SEL1L2: variants seen among roughly 807,000 people sequenced by gnomAD.
The protein encoded by SEL1L2 is protein sel-1 homolog 2.
Under a neutral mutation model 98.8 loss-of-function variants are expected in SEL1L2, and 89 were observed. The ratio of observed to expected loss-of-function variants is 0.90; its 90% CI spans 0.76 to 1.07. The LOEUF (loss-of-function observed/expected upper bound fraction) is 1.07. SEL1L2 is among the 50% of genes least tolerant of loss of function. The probability of loss-of-function intolerance (pLI) is 0.00; values close to 1 mark genes in which losing one functional copy is unlikely to be tolerated. For missense variants in SEL1L2, 788 were observed against 812.0 expected (o/e 0.97, Z 0.36); for synonymous variants, 262 against 278.5 (o/e 0.94, Z 0.59).
intron 1 of SEL1L2, among the ~76,000 whole-genome samples, chr20:13,983,833 TA>T: frequency 6.6e-6 from 1 of 151,798 alleles, no homozygotes; most frequent in African/African-American, 2.4e-5. Context: ...CACTAGCTTT[TA>T]AAAAATAACT....
intron 11 of SEL1L2, 83 bp downstream of exon 11, chr20:13,877,437 A>G: frequency 2.8e-6 from 3 of 1,086,728 alleles, no homozygotes; most frequent in Non-Finnish European, 4.1e-6. Context: ...AGTAGCTGGG[A>G]CAACAGGCAC....
At chr20:13,920,287 A>G (rs2148238494) in intron 3 of SEL1L2, among the ~76,000 whole-genome samples, 1 of 151,928 alleles carries the variant, frequency 6.6e-6, no homozygotes, top group South Asian at 2.1e-4. Flanking sequence ...GACCCTTTCT[A>G]AGACTTAGGG....
rs762086201 is a variant in SEL1L2 at position 13,931,786 on chromosome 20, A to G, written c.115-15T>C. On this transcript the variant is annotated splice_polypyrimidine_tract_variant and intron_variant, in intron 2 of 19. Coordinates refer to ENST00000284951, the MANE Select transcript of SEL1L2 (RefSeq NM_025229.2). ...TTCACTGATACCTACAAAGAAAAAG[A>G]CTGTTGCTCATTTTGTTCATGTGTG... 1 of 1,489,426 alleles carries G rather than the reference A, an allele frequency of 6.7e-7. No individual in the cohort carries two copies. Among genetic ancestry groups the G allele is most frequent in the Non-Finnish European group, 8.9e-7 (1 of 1,122,076 alleles). The allele number at this position is 1,489,426 out of a possible 1,614,324, so 92.3% of individuals were successfully genotyped here.
At chr20:13,905,830 G>T (rs2047901801) in intron 5 of SEL1L2, among the ~76,000 whole-genome samples, 1 of 150,782 alleles carries the variant, frequency 6.6e-6, no homozygotes, top group Non-Finnish European at 1.5e-5. Flanking sequence ...TAAAGGTCAA[G>T]CTCAGCAAAT....
intron 2 of SEL1L2, among the ~76,000 whole-genome samples, chr20:13,939,750 T>C (rs2148365208): frequency 6.8e-6 from 1 of 147,986 alleles, no homozygotes; most frequent in African/African-American, 2.5e-5. Flanking sequence ...CACTGTAACC[T>C]CCACCTCCCA....
At chr20:13,967,894 C>T (rs762190668) in intron 1 of SEL1L2, among the ~76,000 whole-genome samples, 5 of 152,172 alleles carry the variant, frequency 3.3e-5, no homozygotes, top group Non-Finnish European at 7.3e-5. Flanking sequence ...CCTCTCTTAA[C>T]AGAAATGATT....
chr20:13,859,694 GTTGTTTGT>G (rs773828561), intron 17 of SEL1L2, among the ~76,000 whole-genome samples: 1 of 152,068 alleles, frequency 6.6e-6, no homozygotes, highest in Non-Finnish European at 1.5e-5. Flanking sequence ...TGTTGTTGTT[GTTGTTTGT>G]TTGTTTGTTT....
chr20:13,978,852 A>G (rs1310256620), intron 1 of SEL1L2, among the ~76,000 whole-genome samples: 3 of 152,288 alleles, frequency 2.0e-5, no homozygotes, highest in Non-Finnish European at 4.4e-5. Flanking sequence ...TGAGGTCCGG[A>G]GTTTGAGACC....
At chr20:13,863,839 G>A (rs576593546) in intron 17 of SEL1L2, among the ~76,000 whole-genome samples, 49 of 151,916 alleles carry the variant, frequency 3.2e-4, no homozygotes, top group Non-Finnish European at 5.4e-4. Flanking sequence ...GTGTGGTGGC[G>A]CATGCCTGTA....
At chr20:13,942,795 A>T (rs1343012028) in intron 2 of SEL1L2, among the ~76,000 whole-genome samples, 2 of 152,162 alleles carry the variant, frequency 1.3e-5, no homozygotes, top group African/African-American at 4.8e-5. Flanking sequence ...TTTGAAAAAA[A>T]TGGGGGCTGG....
intron 18 of SEL1L2, among the ~76,000 whole-genome samples, chr20:13,853,057 C>A (rs1029253663): frequency 1.3e-5 from 2 of 152,298 alleles, no homozygotes; most frequent in African/African-American, 4.8e-5. Flanking sequence ...TATACACATT[C>A]TTCTAGCATT....
intron 14 of SEL1L2, among the ~76,000 whole-genome samples, chr20:13,868,445 C>T (rs1426951625): frequency 6.6e-6 from 1 of 152,070 alleles, no homozygotes; most frequent in Non-Finnish European, 1.5e-5. Flanking sequence ...CCTTCTCTTT[C>T]CTTCCCTTTA....
intron 1 of SEL1L2, among the ~76,000 whole-genome samples, chr20:13,980,938 A>T (rs960582697): frequency 6.6e-6 from 1 of 152,202 alleles, no homozygotes; most frequent in Non-Finnish European, 1.5e-5. Context: ...AAAGAGTTGA[A>T]ACTCATAAAA....
chr20:13,872,502 C>T (rs2046249722), intron 12 of SEL1L2, among the ~76,000 whole-genome samples: 1 of 152,146 alleles, frequency 6.6e-6, no homozygotes, highest in African/African-American at 2.4e-5. Flanking sequence ...TTTCTGAGGC[C>T]TCCCCAGCAA....
chr20:13,979,391 C>T (rs976960313), intron 1 of SEL1L2, among the ~76,000 whole-genome samples: 3 of 152,008 alleles, frequency 2.0e-5, no homozygotes, highest in Non-Finnish European at 4.4e-5. Flanking sequence ...TTCGGAAAAG[C>T]TAGAAGAGAA....
At chr20:13,854,612 G>T (rs1318758820) in intron 18 of SEL1L2, among the ~76,000 whole-genome samples, 1 of 152,138 alleles carries the variant, frequency 6.6e-6, no homozygotes, top group Non-Finnish European at 1.5e-5. Flanking sequence ...GCTCTTTGAA[G>T]GCTGTCTTGT....
chr20:13,886,392 G>T lies in SEL1L2; in HGVS notation c.796C>A (p.Leu266Ile), dbSNP rs375667837. 6.2e-7 allele frequency: 1 copy of T among 1,613,834 alleles called. No homozygotes were observed. Among genetic ancestry groups the T allele is most frequent in the Non-Finnish European group, 8.5e-7 (1 of 1,179,850 alleles). ...SEGVPVEKVRLTERPENLSSN... is the reference protein window; with the variant it reads ...SEGVPVEKVRITERPENLSSN... ...CTCAGATTTTCAGGTCTTTCCGTTA[G>T]TCTCACTTTTTCCACTGGAACACCT... Residue 266 changes from leucine to isoleucine, a missense_variant, in exon 9 of 20, where the codon CTA (leucine) becomes ATA (isoleucine). Leu to Ile is a conservative substitution (Grantham distance 5, BLOSUM62 2). Transcript: ENST00000284951.
intron 5 of SEL1L2, among the ~76,000 whole-genome samples, chr20:13,900,631 T>C (rs1600673701): frequency 6.6e-6 from 1 of 152,312 alleles, no homozygotes; most frequent in East Asian, 1.9e-4. Context: ...AGGCGACATA[T>C]GTAGAAACAT....
intron 5 of SEL1L2, among the ~76,000 whole-genome samples, chr20:13,892,788 T>C (rs2047261216): frequency 6.6e-6 from 1 of 152,148 alleles, no homozygotes; most frequent in Non-Finnish European, 1.5e-5. Flanking sequence ...CTATAGGAGA[T>C]TCACATTAGT....
Sources: allele counts gnomAD v4.1 joint callset (sites outside exome capture counted in the v4.1 genomes callset), GRCh38; gene constraint gnomAD v4.1.1; transcripts MANE v1.5; gene names NCBI Gene and HGNC (gene_info 2026-07-23, HGNC 2026-07-21).